The following SNX10 variants were observed in gnomAD, a reference collection of about 807,000 sequenced individuals.
SNX10 encodes sorting nexin-10.
A neutral mutation model predicts 28.5 loss-of-function variants in SNX10; 25 were observed. That is an observed-to-expected ratio of 0.88 (90% CI 0.64 to 1.22). SNX10 has a LOEUF of 1.22. SNX10 is among the 50% of genes most tolerant of loss of function. The pLI, the probability that SNX10 is intolerant of heterozygous loss-of-function variation, is 0.00. For synonymous variants in SNX10, 62 were observed against 81.4 expected, an observed-to-expected ratio of 0.76 and a Z score of 1.28; for missense variants, 223 against 242.6, an observed-to-expected ratio of 0.92 and a Z score of 0.54.
chr7:26,311,393 C>T (rs1786845755), intron 1 of SNX10, among the ~76,000 whole-genome samples: 1 of 152,164 alleles, frequency 6.6e-6, no homozygotes, highest in Admixed American at 6.5e-5. Flanking sequence ...TCAAGCGATT[C>T]TCCCGCCTCG....
chr7:26,302,694 T>C (rs1366711123), intron 1 of SNX10, among the ~76,000 whole-genome samples: 4 of 152,228 alleles, frequency 2.6e-5, no homozygotes, highest in Admixed American at 6.5e-5. Context: ...TGACCACTTT[T>C]GCTGCATACC....
At chr7:26,321,025 C>A (rs1475057444) in intron 1 of SNX10, among the ~76,000 whole-genome samples, 1 of 152,188 alleles carries the variant, frequency 6.6e-6, no homozygotes, top group Non-Finnish European at 1.5e-5. Flanking sequence ...GGGTGCTGAT[C>A]TTTCTGAAGG....
Position 26,364,944 on chromosome 7 carries a change from G to T in SNX10, c.213-103G>T. 1 of 673,054 alleles carries T rather than the reference G, an allele frequency of 1.5e-6. No homozygotes were observed. The highest frequency in any genetic ancestry group is 1.7e-5 in the South Asian group (1 of 57,402). 41.7% of individuals were successfully genotyped at this position (673,054 alleles called of 1,614,324 possible). On this transcript the variant is annotated intron_variant, in intron 4 of 6. Coordinates refer to ENST00000338523, the MANE Select transcript of SNX10 (RefSeq NM_013322.3). This position sits in a 1 kb window ranked among gnomAD's most constrained non-coding sequence, Gnocchi z 4.9. ...AATCATAATTATAGAATAACTGTGTGATAATAATCATCATACATAATTTGC... is the reference window on the plus strand; with the variant it reads ...AATCATAATTATAGAATAACTGTGTTATAATAATCATCATACATAATTTGC...
intron 1 of SNX10, among the ~76,000 whole-genome samples, chr7:26,323,633 G>A (rs573264739): frequency 9.2e-5 from 14 of 152,182 alleles, no homozygotes; most frequent in Non-Finnish European, 1.6e-4. Flanking sequence ...GCAGTGGGAA[G>A]CCATTGGAGG....
At chr7:26,302,406 C>A (rs1354829626) in intron 1 of SNX10, among the ~76,000 whole-genome samples, 1 of 152,176 alleles carries the variant, frequency 6.6e-6, no homozygotes, top group Non-Finnish European at 1.5e-5. Flanking sequence ...CCAGCAGTGA[C>A]AATGGGGGCC....
At chr7:26,305,352 A>G (rs997041449) in intron 1 of SNX10, among the ~76,000 whole-genome samples, 1 of 152,248 alleles carries the variant, frequency 6.6e-6, no homozygotes, top group Non-Finnish European at 1.5e-5. Flanking sequence ...ACTCCTTAGA[A>G]GTTATAAATA....
chr7:26,373,931 A>T lies in SNX10; in HGVS notation c.*1359A>T, dbSNP rs1789674524. Reference sequence around the variant, plus strand: ...GAAAACTGAGAACTAACATTAAAAAAATTAAATTTAGAATAAGAATGATTT... The same window carrying T: ...GAAAACTGAGAACTAACATTAAAAATATTAAATTTAGAATAAGAATGATTT... On this transcript the variant is annotated 3_prime_UTR_variant, in exon 7 of 7. Coordinates refer to ENST00000338523, the MANE Select transcript of SNX10 (RefSeq NM_013322.3). The surrounding 1 kb of genome is among the most constrained non-coding windows in gnomAD (Gnocchi z 4.2). The T allele has an allele frequency of 6.6e-6, 1 of 152,084 alleles. No homozygotes were observed. Among genetic ancestry groups the T allele is most frequent in the African/African-American group, 2.4e-5 (1 of 41,454 alleles). The allele number at this position is 152,084 out of a possible 1,614,324, so 9.4% of individuals were successfully genotyped here.
intron 2 of SNX10, among the ~76,000 whole-genome samples, chr7:26,347,143 G>T (rs902335471): frequency 6.6e-6 from 1 of 152,068 alleles, no homozygotes; most frequent in East Asian, 1.9e-4. Context: ...ACATGCACAC[G>T]AGTCACACAT....
chr7:26,339,443 A>G (rs931003461), intron 1 of SNX10, among the ~76,000 whole-genome samples: 3 of 150,404 alleles, frequency 2.0e-5, no homozygotes, highest in African/African-American at 7.4e-5. Flanking sequence ...TTCAAGTGCA[A>G]TTTTCTTACA....
chr7:26,334,257 T>G (rs1562801627), intron 1 of SNX10, among the ~76,000 whole-genome samples: 1 of 152,206 alleles, frequency 6.6e-6, no homozygotes, highest in Non-Finnish European at 1.5e-5. Context: ...TGTGTAATGA[T>G]CAGATCAGGG....
Position 26,374,073 on chromosome 7 carries a change from A to G in SNX10, c.*1501A>G, listed in dbSNP as rs1489684880. On this transcript the variant is annotated 3_prime_UTR_variant, in exon 7 of 7. Coordinates refer to ENST00000338523, the MANE Select transcript of SNX10 (RefSeq NM_013322.3). Reference sequence around the variant, plus strand: ...ATACAGGAAAAGAAAAGATTTAGTAATTTCTTACCATGCTAATATGTAAAG... The same window carrying G: ...ATACAGGAAAAGAAAAGATTTAGTAGTTTCTTACCATGCTAATATGTAAAG... The G allele has an allele frequency of 6.6e-6, 1 of 152,030 alleles. No homozygotes were observed. Among genetic ancestry groups the G allele is most frequent in the East Asian group, 1.9e-4 (1 of 5,204 alleles). 9.4% of individuals were successfully genotyped at this position (152,030 alleles called of 1,614,324 possible). A position where few individuals can be genotyped will look rare whatever the true frequency, so the allele number is the denominator to read the frequency against.
chr7:26,312,932 T>C (rs1043834623), intron 1 of SNX10, among the ~76,000 whole-genome samples: 26 of 152,238 alleles, frequency 1.7e-4, no homozygotes, highest in Non-Finnish European at 2.8e-4. Flanking sequence ...AAACGGATCA[T>C]GTTAGGGAAG....
At chr7:26,305,490 C>T (rs762772589) in intron 1 of SNX10, among the ~76,000 whole-genome samples, 56 of 152,274 alleles carry the variant, frequency 3.7e-4, no homozygotes, top group Non-Finnish European at 5.6e-4. Context: ...CTGCTGCCCC[C>T]GAAGGTCACT....
At chr7:26,358,037 C>T (rs1265593686) in intron 2 of SNX10, among the ~76,000 whole-genome samples, 1 of 152,104 alleles carries the variant, frequency 6.6e-6, no homozygotes, top group Non-Finnish European at 1.5e-5. Flanking sequence ...TGGGTTGGCT[C>T]TCAGGCACAG....
chr7:26,327,556 C>T (rs906444656), intron 1 of SNX10, among the ~76,000 whole-genome samples: 1 of 152,052 alleles, frequency 6.6e-6, no homozygotes, highest in South Asian at 2.1e-4. Flanking sequence ...GCATTTGCCT[C>T]CCTTTGTAAC....
chr7:26,362,654 G>C (rs1789124313), intron 3 of SNX10, among the ~76,000 whole-genome samples: 1 of 152,230 alleles, frequency 6.6e-6, no homozygotes, highest in Admixed American at 6.5e-5. Flanking sequence ...ACAATTAAAA[G>C]TGGATGGCAG....
At chr7:26,342,746 A>C in intron 1 of SNX10, among the ~76,000 whole-genome samples, 1 of 152,176 alleles carries the variant, frequency 6.6e-6, no homozygotes, top group Non-Finnish European at 1.5e-5. Context: ...GTTCACTGTG[A>C]TGTTTTGGAA....
chr7:26,313,075 A>G (rs1786914903), intron 1 of SNX10, among the ~76,000 whole-genome samples: 1 of 152,210 alleles, frequency 6.6e-6, no homozygotes, highest in Admixed American at 6.5e-5. Context: ...CGTACTGTTC[A>G]TAGTAGCACG....
chr7:26,329,778 T>G (rs997097485), intron 1 of SNX10, among the ~76,000 whole-genome samples: 13 of 152,074 alleles, frequency 8.5e-5, no homozygotes, highest in Admixed American at 8.5e-4. Context: ...GTCACAGACG[T>G]GGCGGGATTT....
Sources: gnomAD v4.1 joint callset for allele counts (sites outside exome capture counted in the v4.1 genomes callset) on GRCh38, gnomAD v4.1.1 for gene constraint, Gnocchi (gnomAD v3.1) non-coding constraint, MANE v1.5 for transcripts, NCBI Gene and HGNC (gene_info 2026-07-23, HGNC 2026-07-21) for gene names.